UBE2E2: variants seen among roughly 807,000 people sequenced by gnomAD.
UBE2E2 encodes the protein ubiquitin-conjugating enzyme E2 E2.
In UBE2E2, 6 loss-of-function variants were observed where a neutral mutation model predicts 24.7. The observed-to-expected ratio is 0.24, with a 90% CI of 0.13 to 0.48. The LOEUF (loss-of-function observed/expected upper bound fraction) is 0.48, where lower values mean the gene tolerates loss of function less well. UBE2E2 is among the 20% of genes least tolerant of loss of function. The pLI is 0.99. For missense variants in UBE2E2, 169 were observed against 245.0 expected, an observed-to-expected ratio of 0.69 and a Z score of 2.07; for synonymous variants, 104 against 83.6, an observed-to-expected ratio of 1.24 and a Z score of -1.33.
In UBE2E2 at chr3:23,542,628, T is replaced by C. The variant is rs991708283; in HGVS notation, c.508+9927T>C. Among the ~76,000 whole-genome samples the C allele has an allele frequency of 3.3e-5, 5 of 152,350 alleles. No individual in the cohort carries two copies. In the East Asian group the frequency reaches 5.8e-4, roughly 18 times the overall value. Reference sequence around the variant, plus strand: ...TCCTTAATAAAATGTATTTTCTGTATTGGCTTTTTGTTATTTTCAAAATTG... The same window carrying C: ...TCCTTAATAAAATGTATTTTCTGTACTGGCTTTTTGTTATTTTCAAAATTG... On this transcript the variant is annotated intron_variant, in intron 5 of 5. Transcript: ENST00000396703.
chr3:23,370,733 C>A (rs1024431275), intron 3 of UBE2E2, among the ~76,000 whole-genome samples: 1 of 152,084 alleles, frequency 6.6e-6, no homozygotes, highest in African/African-American at 2.4e-5. Context: ...GGAGCTAGAT[C>A]TCCTGGATTC....
intron 3 of UBE2E2, among the ~76,000 whole-genome samples, chr3:23,233,611 A>G (rs887922346): frequency 2.0e-5 from 3 of 152,192 alleles, no homozygotes; most frequent in Non-Finnish European, 2.9e-5. Flanking sequence ...GACTACCCAC[A>G]TGGCTTGGAT....
intron 3 of UBE2E2, among the ~76,000 whole-genome samples, chr3:23,278,904 TGATAGCATTAG>T (rs1167338037): frequency 6.6e-6 from 1 of 152,140 alleles, no homozygotes; most frequent in Non-Finnish European, 1.5e-5. Flanking sequence ...TATGACTTAT[TGATAGCATTAG>T]GATAGCAGTC....
intron 3 of UBE2E2, among the ~76,000 whole-genome samples, chr3:23,278,242 T>G (rs1408686962): frequency 2.0e-5 from 3 of 152,082 alleles, no homozygotes; most frequent in African/African-American, 7.2e-5. Flanking sequence ...AAAACAGTAT[T>G]TATTAAGTTT....
chr3:23,246,361 C>T (rs559118993), intron 3 of UBE2E2, among the ~76,000 whole-genome samples: 40 of 150,824 alleles, frequency 2.7e-4, no homozygotes, highest in African/African-American at 7.5e-4. Context: ...GCTGGGACTA[C>T]AGGCGCCCGC....
At chr3:23,222,793 G>T (rs1696691696) in intron 3 of UBE2E2, among the ~76,000 whole-genome samples, 1 of 151,976 alleles carries the variant, frequency 6.6e-6, no homozygotes, top group South Asian at 2.1e-4. Flanking sequence ...AGTAACCTTT[G>T]TACTGTTCTC....
At chr3:23,478,872 C>A (rs1225634303) in intron 3 of UBE2E2, among the ~76,000 whole-genome samples, 3 of 142,714 alleles carry the variant, frequency 2.1e-5, no homozygotes, top group Non-Finnish European at 4.5e-5. Flanking sequence ...GAAAGCCCAT[C>A]TGTACAAATA....
rs1238384427 is a variant in UBE2E2 at position 23,407,642 on chromosome 3, C to CAT, written c.228-91966_228-91965insAT. ...ATGTGTGTGTGTTTGTGTGTGCATG[C>CAT]GTGCATGTGTGTGTGTGTGTGTGTG... On this transcript the variant is annotated intron_variant, in intron 3 of 5. Transcript: ENST00000396703. This position sits in a 1 kb window ranked among gnomAD's most constrained non-coding sequence, Gnocchi z 4.0. 4.5e-3 allele frequency among the ~76,000 whole-genome samples: 534 copies of CAT among 119,348 alleles called. 3 individuals are homozygous for CAT. Among genetic ancestry groups the CAT allele is most frequent in the African/African-American group, 0.018 (491 of 27,504 alleles). The allele number at this position is 119,348 out of a possible 152,430, so 78.3% of individuals were successfully genotyped here.
intron 5 of UBE2E2, among the ~76,000 whole-genome samples, chr3:23,543,381 T>C (rs991848279): frequency 1.3e-5 from 2 of 152,074 alleles, no homozygotes; most frequent in Non-Finnish European, 2.9e-5. Flanking sequence ...ACAAAATCAG[T>C]GTACACAAAT....
In UBE2E2 at chr3:23,261,233, A is replaced by G. The variant is rs901348149; in HGVS notation, c.227+43921A>G. Among the ~76,000 whole-genome samples the G allele has an allele frequency of 1.8e-3, 276 of 151,972 alleles. 1 individual carries two copies. The highest frequency in any genetic ancestry group is 6.1e-3 in the African/African-American group (251 of 41,434). On this transcript the variant is annotated intron_variant, in intron 3 of 5. Coordinates refer to ENST00000396703, the MANE Select transcript of UBE2E2 (RefSeq NM_152653.4). ...CTGAAAGTCTTTTAAAAAGTATAATATTCTACTTAGAAATTCAGGGTCATT... is the reference window on the plus strand; with the variant it reads ...CTGAAAGTCTTTTAAAAAGTATAATGTTCTACTTAGAAATTCAGGGTCATT...
At chr3:23,426,417 CAAAA>C (rs34164749) in intron 3 of UBE2E2, among the ~76,000 whole-genome samples, 15 of 120,084 alleles carry the variant, frequency 1.2e-4, no homozygotes, top group Non-Finnish European at 1.8e-4. Flanking sequence ...AGGATAAATG[CAAAA>C]AAAAAAAAAA....
intron 3 of UBE2E2, among the ~76,000 whole-genome samples, chr3:23,268,497 G>A (rs1258070986): frequency 2.0e-5 from 3 of 150,106 alleles, no homozygotes; most frequent in East Asian, 1.9e-4. Context: ...ACTTACAAGG[G>A]ATGTGAAGGA....
chr3:23,485,626 C>G (rs1374336268), intron 3 of UBE2E2, among the ~76,000 whole-genome samples: 2 of 152,124 alleles, frequency 1.3e-5, no homozygotes, highest in African/African-American at 2.4e-5. Flanking sequence ...TGTAAAGCCA[C>G]TGTTTCAGAG....
chr3:23,242,373 GT>G (rs995534509), intron 3 of UBE2E2, among the ~76,000 whole-genome samples: 7 of 147,290 alleles, frequency 4.8e-5, no homozygotes, highest in African/African-American at 7.6e-5. Flanking sequence ...TATCTTGTTT[GT>G]TTTTTTTCCC....
At chr3:23,294,876 G>A (rs978514787) in intron 3 of UBE2E2, among the ~76,000 whole-genome samples, 3 of 151,654 alleles carry the variant, frequency 2.0e-5, no homozygotes, top group Non-Finnish European at 4.4e-5. Flanking sequence ...ATATAATGAT[G>A]CAGGTAATTA....
At chr3:23,324,104 T>TA (rs1488372278) in intron 3 of UBE2E2, among the ~76,000 whole-genome samples, 2 of 152,158 alleles carry the variant, frequency 1.3e-5, no homozygotes, top group Admixed American at 6.5e-5. Context: ...TTTGACTACT[T>TA]ACTATATGAT....
chr3:23,578,885 T>C (rs1326389437), intron 5 of UBE2E2, among the ~76,000 whole-genome samples: 1 of 152,114 alleles, frequency 6.6e-6, no homozygotes, highest in Non-Finnish European at 1.5e-5. Context: ...TGTTTATCTG[T>C]GTAACAAACA....
At chr3:23,269,734 C>T (rs1698180824) in intron 3 of UBE2E2, among the ~76,000 whole-genome samples, 1 of 152,096 alleles carries the variant, frequency 6.6e-6, no homozygotes, top group Non-Finnish European at 1.5e-5. Context: ...TTGTGCAGGA[C>T]ATTAGAGCTC....
At chr3:23,471,391 G>A (rs1469797355) in intron 3 of UBE2E2, among the ~76,000 whole-genome samples, 1 of 152,104 alleles carries the variant, frequency 6.6e-6, no homozygotes, top group African/African-American at 2.4e-5. Flanking sequence ...AGCAGGTAAG[G>A]ACAAACTGCC....
Sources: gnomAD v4.1 joint callset for allele counts (sites outside exome capture counted in the v4.1 genomes callset) on GRCh38, gnomAD v4.1.1 for gene constraint, Gnocchi (gnomAD v3.1) non-coding constraint, MANE v1.5 for transcripts, NCBI Gene and HGNC (gene_info 2026-07-23, HGNC 2026-07-21) for gene names.